The following TTI1 variants were observed in gnomAD, a reference collection of about 807,000 sequenced individuals.
TTI1 encodes the protein TELO2 interacting protein 1, also known as TELO2-interacting protein 1 homolog.
In TTI1, 52 loss-of-function variants were observed where a neutral mutation model predicts 85.4. That is an observed-to-expected ratio of 0.61 (90% CI 0.49 to 0.77). The LOEUF is 0.77. TTI1 is among the 30% of genes least tolerant of loss of function. The pLI is 0.00. For synonymous variants in TTI1, 512 were observed against 503.9 expected, an observed-to-expected ratio of 1.02 and a Z score of -0.22; for missense variants, 1,173 against 1,296.0, an observed-to-expected ratio of 0.91 and a Z score of 1.46.
chr20:37,995,679 G>A (rs1023457945), intron 7 of TTI1, among the ~76,000 whole-genome samples: 2 of 152,162 alleles, frequency 1.3e-5, no homozygotes, highest in Admixed American at 1.3e-4. Context: ...ATGCTGTTGT[G>A]CTGAGTTTTA....
intron 1 of TTI1, among the ~76,000 whole-genome samples, chr20:38,025,161 G>A (rs2073820286): frequency 6.6e-6 from 1 of 152,160 alleles, no homozygotes; most frequent in African/African-American, 2.4e-5. Flanking sequence ...AGACTAAACA[G>A]CCTAAACAGA....
intron 1 of TTI1, among the ~76,000 whole-genome samples, chr20:38,021,556 CACCCAGA>C: frequency 6.6e-6 from 1 of 152,296 alleles, no homozygotes; most frequent in African/African-American, 2.4e-5. Flanking sequence ...TAGACAAAAC[CACCCAGA>C]GCTCAGAGTG....
intron 7 of TTI1, chr20:37,987,025 C>T (rs1404494259): frequency 5.3e-6 from 2 of 377,524 alleles, no homozygotes; most frequent in African/African-American, 4.2e-5. Flanking sequence ...TGCCATGCAA[C>T]CAGATGGCTG....
intron 1 of TTI1, among the ~76,000 whole-genome samples, chr20:38,027,881 A>C (rs2073856039): frequency 6.6e-6 from 1 of 152,152 alleles, no homozygotes; most frequent in Non-Finnish European, 1.5e-5. Flanking sequence ...CCAAGATCGC[A>C]CCATTGAACT....
At chr20:38,005,991 G>A (rs929747434) in intron 3 of TTI1, 7 of 565,350 alleles carry the variant, frequency 1.2e-5, no homozygotes, top group Admixed American at 3.2e-5. Flanking sequence ...ACACAAAAAG[G>A]GTACACAGCT....
chr20:38,016,554 C>T (rs2073685566), intron 1 of TTI1, among the ~76,000 whole-genome samples: 1 of 152,162 alleles, frequency 6.6e-6, no homozygotes, highest in Admixed American at 6.5e-5. Context: ...TGCCATATTC[C>T]CTTGGTGATT....
At chr20:38,029,633 T>C (rs1413734719) in intron 1 of TTI1, among the ~76,000 whole-genome samples, 9 of 151,910 alleles carry the variant, frequency 5.9e-5, no homozygotes, top group African/African-American at 2.2e-4. Context: ...ATTTCCAATA[T>C]CAGTAATGAA....
chr20:37,996,996 G>T (rs1012715412), intron 5 of TTI1, 43 bp from the exon 6 acceptor site: 1 of 1,593,782 alleles, frequency 6.3e-7, no homozygotes, highest in African/African-American at 1.3e-5. Context: ...CATTGCCAAG[G>T]CAGCAAGAGA....
chr20:38,017,435 T>TGTGTGTGTGTGC lies in TTI1; in HGVS notation c.-41-3579_-41-3578insGCACACACACAC, dbSNP rs879610985. ...GTGTGTGTGTGTGTGTGTGTGTGTG[T>TGTGTGTGTGTGC]GCGCGCGCGCCTTTGGTGTGTGCGC... On this transcript the variant is annotated intron_variant, in intron 1 of 7. Coordinates refer to ENST00000373447, the MANE Select transcript of TTI1 (RefSeq NM_001303457.2). Among the ~76,000 whole-genome samples the TGTGTGTGTGTGC allele has an allele frequency of 6.9e-4, 101 of 146,220 alleles. 4 individuals are homozygous for TGTGTGTGTGTGC. In the East Asian group the frequency reaches 0.017, roughly 24 times the overall value.
intron 7 of TTI1, among the ~76,000 whole-genome samples, chr20:37,985,450 C>A (rs2073177457): frequency 6.6e-6 from 1 of 152,006 alleles, no homozygotes; most frequent in African/African-American, 2.4e-5. Context: ...GTCTTGATAT[C>A]ATCCTTAGGT....
intron 7 of TTI1, among the ~76,000 whole-genome samples, chr20:37,991,685 T>C (rs1022028399): frequency 1.3e-5 from 2 of 152,256 alleles, no homozygotes; most frequent in Non-Finnish European, 2.9e-5. Context: ...GGCCAGTGTC[T>C]ATGTGTATGA....
Position 38,013,274 on chromosome 20 carries a change from T to C in TTI1, c.543A>G (p.Leu181=), listed in dbSNP as rs755110993. The C allele has an allele frequency of 6.8e-6, 11 of 1,613,824 alleles. No individual in the cohort carries two copies. Among genetic ancestry groups the C allele is most frequent in the African/African-American group, 5.3e-5 (4 of 74,870 alleles). ...GGTCCTGACAATCACACTGCAAGAG[T>C]AGAACCTGTAAACATTTTAAGGCAG... ...KIAALKCLQV[L]LLQCDCQDHP... Residue 181 remains leucine, a synonymous_variant, in exon 2 of 8, where the codon CTA becomes CTG. Transcript: ENST00000373447.
intron 1 of TTI1, among the ~76,000 whole-genome samples, chr20:38,026,156 G>A (rs1346797882): frequency 6.6e-6 from 1 of 151,984 alleles, no homozygotes; most frequent in South Asian, 2.1e-4. Context: ...TTGTCTACAG[G>A]GAAGAAACAA....
At chr20:37,989,715 C>T (rs545924945) in intron 7 of TTI1, among the ~76,000 whole-genome samples, 8 of 152,372 alleles carry the variant, frequency 5.3e-5, no homozygotes, top group Admixed American at 3.3e-4. Context: ...CCTGCCCCTC[C>T]CTGGAAGGTA....
intron 3 of TTI1, 117 bp from the exon 4 acceptor site, chr20:38,002,893 G>T: frequency 7.3e-7 from 1 of 1,363,334 alleles, no homozygotes; most frequent in Non-Finnish European, 1.0e-6. Context: ...AGCACAAATG[G>T]ACTGAGACAC....
At chr20:38,024,857 C>T (rs986040820) in intron 1 of TTI1, among the ~76,000 whole-genome samples, 32 of 152,170 alleles carry the variant, frequency 2.1e-4, no homozygotes, top group African/African-American at 7.5e-4. Flanking sequence ...ACTTCCACTT[C>T]TACTTGGCAG....
chr20:37,995,013 G>C (rs2073318834), intron 7 of TTI1, among the ~76,000 whole-genome samples: 2 of 152,270 alleles, frequency 1.3e-5, no homozygotes, highest in Middle Eastern at 6.8e-3. Flanking sequence ...GTTGTAATAG[G>C]CATCTAAAAG....
chr20:38,016,944 C>T (rs2122610853), intron 1 of TTI1, among the ~76,000 whole-genome samples: 1 of 152,296 alleles, frequency 6.6e-6, no homozygotes, highest in African/African-American at 2.4e-5. Flanking sequence ...CCTGTCTTGC[C>T]AACCTCATTT....
intron 3 of TTI1, among the ~76,000 whole-genome samples, chr20:38,005,446 C>G (rs886713655): frequency 1.3e-5 from 2 of 152,100 alleles, no homozygotes; most frequent in Non-Finnish European, 2.9e-5. Context: ...GCAATCTCCT[C>G]CCACCAACAA....
Sources: gnomAD v4.1 joint callset for allele counts (sites outside exome capture counted in the v4.1 genomes callset) on GRCh38, gnomAD v4.1.1 for gene constraint, MANE v1.5 for transcripts, NCBI Gene and HGNC (gene_info 2026-07-23, HGNC 2026-07-21) for gene names.